Variants in SLC1A3 observed in about 807,000 individuals in gnomAD.
The protein encoded by SLC1A3 is solute carrier family 1 member 3, also known as excitatory amino acid transporter 1.
In SLC1A3, 21 loss-of-function variants were observed where a neutral mutation model predicts 48.1. The ratio of observed to expected loss-of-function variants is 0.44; its 90% CI spans 0.31 to 0.63. The LOEUF is 0.63. Among genes scored for constraint, SLC1A3 ranks in the 20% least tolerant of loss-of-function variants. SLC1A3 has a pLI of 0.08. For synonymous variants in SLC1A3, 239 were observed against 251.4 expected (o/e 0.95, Z 0.47); for missense variants, 546 against 689.0 (o/e 0.79, Z 2.32).
intron 3 of SLC1A3, among the ~76,000 whole-genome samples, chr5:36,634,403 G>C (rs1261827060): frequency 6.6e-6 from 1 of 152,128 alleles, no homozygotes; most frequent in Non-Finnish European, 1.5e-5. Context: ...AGAATCAAAA[G>C]AGAATTGAAA....
intron 2 of SLC1A3, among the ~76,000 whole-genome samples, chr5:36,618,115 AAACTGC>A (rs1739521853): frequency 2.0e-5 from 3 of 152,208 alleles, no homozygotes; most frequent in Non-Finnish European, 4.4e-5. Context: ...GTGCATTGGA[AAACTGC>A]AATTTCAGGA....
chr5:36,604,372 T>C (rs1738843067), upstream of SLC1A3, among the ~76,000 whole-genome samples: 1 of 151,898 alleles, frequency 6.6e-6, no homozygotes, highest in Non-Finnish European at 1.5e-5. Context: ...TCAAGGGACT[T>C]AACTATAAAG....
intron 3 of SLC1A3, among the ~76,000 whole-genome samples, chr5:36,640,888 T>G (rs1740592186): frequency 6.6e-6 from 1 of 152,096 alleles, no homozygotes; most frequent in Non-Finnish European, 1.5e-5. Flanking sequence ...AGCAGATATT[T>G]TATTACATTT....
At chr5:36,648,238 T>C (rs113055420) in intron 3 of SLC1A3, among the ~76,000 whole-genome samples, 3 of 152,212 alleles carry the variant, frequency 2.0e-5, no homozygotes, top group African/African-American at 4.8e-5. Flanking sequence ...TTCAATTTTT[T>C]TACCTATAGG....
intron 8 of SLC1A3, among the ~76,000 whole-genome samples, chr5:36,683,400 A>C (rs928431867): frequency 2.0e-5 from 3 of 148,842 alleles, no homozygotes; most frequent in African/African-American, 7.4e-5. Context: ...GATTAGTTCA[A>C]TTTTTTTTTT....
chr5:36,632,562 A>AGCCT (rs1390946708), intron 3 of SLC1A3, among the ~76,000 whole-genome samples: 1 of 152,236 alleles, frequency 6.6e-6, no homozygotes, highest in Non-Finnish European at 1.5e-5. Context: ...ACCAGAAGGA[A>AGCCT]CACTGGAGTA....
At chr5:36,624,911 G>T (rs1739841392) in intron 2 of SLC1A3, among the ~76,000 whole-genome samples, 1 of 152,232 alleles carries the variant, frequency 6.6e-6, no homozygotes, top group African/African-American at 2.4e-5. Context: ...CAGGACATGT[G>T]TAGGAGATCC....
intron 2 of SLC1A3, 137 bp downstream of exon 2, chr5:36,608,741 T>C: frequency 6.8e-7 from 1 of 1,480,454 alleles, no homozygotes; most frequent in Non-Finnish European, 8.9e-7. Context: ...CTTGATGATT[T>C]TTCTCCATAA....
intron 9 of SLC1A3, among the ~76,000 whole-genome samples, chr5:36,685,111 T>C (rs1027095438): frequency 5.3e-5 from 8 of 152,206 alleles, no homozygotes; most frequent in African/African-American, 1.7e-4. Flanking sequence ...CACTTATAAA[T>C]TTCCACTTGT....
chr5:36,629,927 C>T (rs1365035229), intron 3 of SLC1A3: 3 of 354,298 alleles, frequency 8.5e-6, no homozygotes, highest in African/African-American at 4.3e-5. Context: ...TTTTCTCACC[C>T]TCTTATCCCA....
Position 36,680,386 on chromosome 5 carries a change from T to G in SLC1A3, c.1095-9T>G. 6.2e-7 allele frequency: 1 copy of G among 1,613,478 alleles called. No homozygotes were observed. ...ACTCAGCTGATGTGCCCTATTTCACTGTTCTCAGTTCTGCCACCCTACCCA... is the reference window on the plus strand; with the variant it reads ...ACTCAGCTGATGTGCCCTATTTCACGGTTCTCAGTTCTGCCACCCTACCCA... On this transcript the variant is annotated splice_polypyrimidine_tract_variant and intron_variant, in intron 7 of 9. Transcript: ENST00000265113.
At chr5:36,614,612 T>C (rs1305441177) in intron 2 of SLC1A3, among the ~76,000 whole-genome samples, 1 of 152,142 alleles carries the variant, frequency 6.6e-6, no homozygotes, top group Non-Finnish European at 1.5e-5. Flanking sequence ...AGTAGACGCC[T>C]CTCTCAGGAA....
At position 36,655,748 on chromosome 5, in the gene SLC1A3, G is replaced by T. The variant is rs544641334; in HGVS notation, c.320-15281G>T. On this transcript the variant is annotated intron_variant, in intron 3 of 9. Transcript: ENST00000265113. ...CATTTTATACATCATCAAGCCTTTT[G>T]GGTTCCTTGACCTCACTCACCAGAC... is the stretch of plus-strand genomic sequence containing the variant. Among the ~76,000 whole-genome samples, 251 of 152,244 alleles carry T rather than the reference G, an allele frequency of 1.6e-3. 1 individual carries two copies. Among genetic ancestry groups the T allele is most frequent in the African/African-American group, 5.8e-3 (239 of 41,536 alleles).
At chr5:36,636,994 A>C (rs1165227338) in intron 3 of SLC1A3, among the ~76,000 whole-genome samples, 1 of 152,164 alleles carries the variant, frequency 6.6e-6, no homozygotes, top group Non-Finnish European at 1.5e-5. Context: ...TATTTGGCAC[A>C]ATTAGGATGG....
chr5:36,640,905 G>A (rs10941308), intron 3 of SLC1A3, among the ~76,000 whole-genome samples: 26,670 of 151,702 alleles, frequency 0.18, 2,980 homozygotes, highest in Non-Finnish European at 0.25. Flanking sequence ...ATTTTTGAAA[G>A]CAAAGGAAAC....
intron 6 of SLC1A3, 61 bp downstream of exon 6, chr5:36,677,245 T>C (rs1236847324): frequency 2.7e-6 from 4 of 1,468,852 alleles, no homozygotes; most frequent in African/African-American, 2.8e-5. Context: ...TCAACATGTG[T>C]TCTGTACTGA....
At chr5:36,664,873 G>A (rs375321629) in intron 3 of SLC1A3, among the ~76,000 whole-genome samples, 1 of 152,204 alleles carries the variant, frequency 6.6e-6, no homozygotes, top group Admixed American at 6.5e-5. Flanking sequence ...TAATACAGGT[G>A]TGCCAGAGAG....
intron 4 of SLC1A3, 105 bp downstream of exon 4, chr5:36,671,338 G>T (rs934391480): frequency 1.3e-6 from 1 of 787,716 alleles, no homozygotes; most frequent in Non-Finnish European, 2.2e-6. Flanking sequence ...AACCAGCCTT[G>T]CCAGGCTTGA....
At chr5:36,635,433 G>A (rs752873742) in intron 3 of SLC1A3, among the ~76,000 whole-genome samples, 9 of 152,150 alleles carry the variant, frequency 5.9e-5, no homozygotes, top group Non-Finnish European at 1.2e-4. Context: ...ACGGAACTAA[G>A]GCTCCAGATT....
Sources: allele counts gnomAD v4.1 joint callset (sites outside exome capture counted in the v4.1 genomes callset), GRCh38; gene constraint gnomAD v4.1.1; transcripts MANE v1.5; gene names NCBI Gene and HGNC (gene_info 2026-07-23, HGNC 2026-07-21).